NAALADL2: variants seen among roughly 807,000 people sequenced by gnomAD.
NAALADL2 encodes inactive N-acetylated-alpha-linked acidic dipeptidase-like protein 2.
A neutral mutation model predicts 87.2 loss-of-function variants in NAALADL2; 76 were observed. The observed-to-expected ratio is 0.87, with a 90% confidence interval of 0.72 to 1.05. The LOEUF (loss-of-function observed/expected upper bound fraction) is 1.05. NAALADL2 is among the 50% of genes least tolerant of loss of function. NAALADL2 has a pLI of 0.00. For missense variants in NAALADL2, 1,089 were observed against 945.8 expected (o/e 1.15, Z -1.99); for synonymous variants, 354 against 331.0 (o/e 1.07, Z -0.75).
intron 3 of NAALADL2, among the ~76,000 whole-genome samples, chr3:174,753,109 T>C (rs1287483057): frequency 9.9e-5 from 15 of 152,240 alleles, no homozygotes; most frequent in Non-Finnish European, 2.9e-5. Flanking sequence ...GCTTTCTTTC[T>C]TTCTTTTTTT....
intron 9 of NAALADL2, among the ~76,000 whole-genome samples, chr3:175,498,862 A>G (rs6800389): frequency 0.032 from 4,853 of 152,148 alleles, 274 homozygotes; most frequent in African/African-American, 0.11. Flanking sequence ...AAAGAAGGTC[A>G]TTTGTGTGGC....
chr3:175,585,458 G>A (rs562067156), intron 10 of NAALADL2, among the ~76,000 whole-genome samples: 1 of 152,084 alleles, frequency 6.6e-6, no homozygotes, highest in South Asian at 2.1e-4. Flanking sequence ...TTTTAGCTTT[G>A]GCCATTCTCA....
intron 2 of NAALADL2, among the ~76,000 whole-genome samples, chr3:174,711,712 T>C (rs1309930454): frequency 6.6e-6 from 1 of 152,196 alleles, no homozygotes; most frequent in African/African-American, 2.4e-5. Context: ...ATCACAAGCA[T>C]TGGATTCTCA....
intron 13 of NAALADL2, among the ~76,000 whole-genome samples, chr3:175,765,258 C>G (rs914285790): frequency 6.6e-6 from 1 of 152,062 alleles, no homozygotes; most frequent in African/African-American, 2.4e-5. Context: ...TATATACATT[C>G]CCTTTTACCC....
chr3:175,406,289 C>A (rs1560500731), intron 5 of NAALADL2, among the ~76,000 whole-genome samples: 2 of 152,176 alleles, frequency 1.3e-5, no homozygotes, highest in African/African-American at 4.8e-5. Flanking sequence ...AGACAATTAT[C>A]CAAACTTGGG....
intron 1 of NAALADL2, among the ~76,000 whole-genome samples, chr3:174,457,327 A>G (rs537805201): frequency 1.4e-4 from 22 of 152,308 alleles, no homozygotes; most frequent in African/African-American, 5.3e-4. Flanking sequence ...CAGAAGTACC[A>G]TTCCTTCCAG....
At chr3:175,514,013 C>G (rs547246863) in intron 9 of NAALADL2, among the ~76,000 whole-genome samples, 11 of 152,200 alleles carry the variant, frequency 7.2e-5, no homozygotes, top group South Asian at 2.1e-4. Flanking sequence ...ATTGAACAGA[C>G]AGCTTGCTTT....
At chr3:175,463,027 G>A (rs1334883617) in intron 6 of NAALADL2, among the ~76,000 whole-genome samples, 1 of 152,004 alleles carries the variant, frequency 6.6e-6, no homozygotes, top group Non-Finnish European at 1.5e-5. Context: ...AATATTCTTT[G>A]GAAATATTTT....
chr3:174,710,186 T>C (rs1337966580), intron 2 of NAALADL2, among the ~76,000 whole-genome samples: 3 of 151,268 alleles, frequency 2.0e-5, no homozygotes, highest in African/African-American at 4.9e-5. Context: ...GACCTTAAAA[T>C]AGGGAGACTA....
chr3:174,573,446 C>G (rs1364443158), intron 2 of NAALADL2, among the ~76,000 whole-genome samples: 2 of 152,130 alleles, frequency 1.3e-5, no homozygotes, highest in Admixed American at 1.3e-4. Flanking sequence ...ATTTGCTGAT[C>G]GCATGGTGTA....
At chr3:174,985,672 G>T (rs911021466) in intron 1 of NAALADL2, among the ~76,000 whole-genome samples, 7 of 152,150 alleles carry the variant, frequency 4.6e-5, no homozygotes, top group African/African-American at 1.7e-4. Flanking sequence ...AAAAGGGTAG[G>T]TTGGGCGCAA....
At chr3:175,052,928 G>A (rs1041436114) in intron 1 of NAALADL2, among the ~76,000 whole-genome samples, 1 of 152,166 alleles carries the variant, frequency 6.6e-6, no homozygotes, top group Non-Finnish European at 1.5e-5. Context: ...GCTTAACATA[G>A]TGTGGCCGTG....
At position 175,293,068 on chromosome 3, in the gene NAALADL2, G is replaced by A. The variant is rs112591502; in HGVS notation, c.940-31107G>A. Among the ~76,000 whole-genome samples, 66 of 143,560 alleles carry A rather than the reference G, an allele frequency of 4.6e-4. 1 individual carries two copies. In the South Asian group the frequency reaches 0.014, roughly 30 times the overall value. 94.2% of individuals were successfully genotyped at this position (143,560 alleles called of 152,430 possible). On this transcript the variant is annotated intron_variant, in intron 4 of 13. Coordinates refer to ENST00000454872, the MANE Select transcript of NAALADL2 (RefSeq NM_207015.3). ...AAAAAAAAAAAAAAAAAAAAAGGGG[G>A]AACTCGGTTATTGTTCTGAAAAGAT...
chr3:175,029,066 A>T (rs13061748), intron 1 of NAALADL2, among the ~76,000 whole-genome samples: 24,274 of 135,928 alleles, frequency 0.18, 2,085 homozygotes, highest in East Asian at 0.28. Context: ...TATATATATA[A>T]AAAACTCAAA....
At chr3:175,507,876 C>G (rs1023012127) in intron 9 of NAALADL2, among the ~76,000 whole-genome samples, 2 of 152,168 alleles carry the variant, frequency 1.3e-5, no homozygotes, top group Non-Finnish European at 2.9e-5. Flanking sequence ...TCTTCATACT[C>G]TGTTAGGTTG....
At chr3:175,576,277 C>A in intron 10 of NAALADL2, 90 bp downstream of exon 10, 3 of 1,173,444 alleles carry the variant, frequency 2.6e-6, no homozygotes, top group Non-Finnish European at 3.6e-6. Context: ...ATTTTCATAT[C>A]AAATAGGTCA....
intron 5 of NAALADL2, among the ~76,000 whole-genome samples, chr3:175,331,340 GCAA>G (rs1761372879): frequency 6.6e-6 from 1 of 152,042 alleles, no homozygotes; most frequent in African/African-American, 2.4e-5. Flanking sequence ...AGGCAAGAAT[GCAA>G]CAACAAGAAT....
intron 11 of NAALADL2, among the ~76,000 whole-genome samples, chr3:175,697,642 C>T (rs1329347132): frequency 6.6e-6 from 1 of 151,270 alleles, no homozygotes; most frequent in Non-Finnish European, 1.5e-5. Context: ...TATTTAATCT[C>T]ATAATCTCAT....
chr3:175,388,760 G>C (rs909474694), intron 5 of NAALADL2, among the ~76,000 whole-genome samples: 1 of 152,076 alleles, frequency 6.6e-6, no homozygotes, highest in Middle Eastern at 3.4e-3. Context: ...CTATTTCTTA[G>C]TGGATTGGTC....
Sources: gnomAD v4.1 joint callset for allele counts (sites outside exome capture counted in the v4.1 genomes callset) on GRCh38, gnomAD v4.1.1 for gene constraint, MANE v1.5 for transcripts, NCBI Gene and HGNC (gene_info 2026-07-23, HGNC 2026-07-21) for gene names.